The following DNA2 variants were observed in gnomAD, a reference collection of about 807,000 sequenced individuals.
DNA2 encodes DNA replication ATP-dependent helicase/nuclease DNA2.
Under a neutral mutation model 119.1 loss-of-function variants are expected in DNA2, and 101 were observed. That is an observed-to-expected ratio of 0.85 (90% CI 0.72 to 1.00). The LOEUF is 1.00. Among genes scored for constraint, DNA2 ranks in the 50% least tolerant of loss-of-function variants. The pLI, the probability that DNA2 is intolerant of heterozygous loss-of-function variation, is 0.00. For synonymous variants in DNA2, 366 were observed against 424.4 expected (o/e 0.86, Z 1.69); for missense variants, 1,121 against 1,255.5 (o/e 0.89, Z 1.62).
chr10:68,418,488 A>G (rs1006386845), intron 19 of DNA2, among the ~76,000 whole-genome samples: 2 of 151,814 alleles, frequency 1.3e-5, no homozygotes, highest in Non-Finnish European at 2.9e-5. Flanking sequence ...TAAAAAAAAA[A>G]AAAACCAGAA....
upstream of DNA2, chr10:68,472,049 C>T: frequency 6.2e-7 from 1 of 1,601,252 alleles, no homozygotes; most frequent in Non-Finnish European, 8.5e-7. Context: ...CGTGGGGCCC[C>T]TCACCTGAGC....
In DNA2 at chr10:68,432,382, A is replaced by G. The variant is rs1344764783; in HGVS notation, c.1763+12T>C. On this transcript the variant is annotated intron_variant, in intron 11 of 20. Transcript: ENST00000358410. The stretch of plus-strand genomic sequence containing the variant: ...AGTGGAGTGAAATTCAAATTTGCTC[A>G]TTGTTACAAACCTGACAAACGTGTT... 1.9e-6 allele frequency: 3 copies of G among 1,576,260 alleles called. No homozygotes were observed. The African/African-American group carries it at 4.1e-5, about 21-fold the overall frequency.
chr10:68,428,093 C>A (rs1008295118), intron 14 of DNA2, among the ~76,000 whole-genome samples: 1 of 151,188 alleles, frequency 6.6e-6, no homozygotes, highest in Non-Finnish European at 1.5e-5. Context: ...TTTAGGAGGC[C>A]GAGACAGGCA....
At chr10:68,416,060 C>T (rs1260644494) in intron 20 of DNA2, among the ~76,000 whole-genome samples, 1 of 152,104 alleles carries the variant, frequency 6.6e-6, no homozygotes, top group Non-Finnish European at 1.5e-5. Context: ...TACCTGTGGT[C>T]CCAGATACTC....
chr10:68,424,466 T>C (rs1042439772), intron 14 of DNA2: 7 of 560,752 alleles, frequency 1.2e-5, no homozygotes, highest in Non-Finnish European at 2.3e-5. Flanking sequence ...ATCATGCCAC[T>C]GAACTCCAGC....
rs910354727 is a variant in DNA2, at chr10:68,470,102, G to C, written c.136C>G (p.Arg46Gly). 1.2e-6 allele frequency: 2 copies of C among 1,613,286 alleles called. No homozygotes were observed. Among genetic ancestry groups the C allele is most frequent in the South Asian group, 1.1e-5 (1 of 90,936 alleles). ...RTVLSTGMDN[R>G]YLVLAVNTVQ... Reference sequence around the variant, plus strand: ...GTATTGACTGCCAACACCAGGTACCGGTTATCCATTCCTGTGCTCAGAACT... The same window carrying C: ...GTATTGACTGCCAACACCAGGTACCCGTTATCCATTCCTGTGCTCAGAACT... Residue 46 changes from arginine to glycine, a missense_variant, in exon 2 of 21, where the codon CGG (arginine) becomes GGG (glycine). Arg to Gly is a moderately radical substitution (Grantham distance 125). Transcript: ENST00000358410.
Position 68,464,829 on chromosome 10 carries a change from CAAAAAAAAAAAAA to C in DNA2, c.587+825_587+837del, listed in dbSNP as rs71009067. 8.5e-3 allele frequency among the ~76,000 whole-genome samples: 345 copies of C among 40,690 alleles called. 2 individuals carry two copies. Among genetic ancestry groups the C allele is most frequent in the Non-Finnish European group, 0.01 (239 of 23,714 alleles). 26.7% of individuals were successfully genotyped at this position (40,690 alleles called of 152,430 possible). On this transcript the variant is annotated intron_variant, in intron 4 of 20. Transcript: ENST00000358410. ...GGACAACAAGAGCGAAACTCCACCT[CAAAAAAAAAAAAA>C]AAAAAAAAAAAAAAAACTGGTAAGG...
At chr10:68,435,712 C>T (rs888800656) in intron 10 of DNA2, among the ~76,000 whole-genome samples, 1 of 152,016 alleles carries the variant, frequency 6.6e-6, no homozygotes, top group African/African-American at 2.4e-5. Flanking sequence ...ACTCGGCCTC[C>T]CAAAATGCTG....
intron 2 of DNA2, among the ~76,000 whole-genome samples, chr10:68,468,741 T>C (rs2052353535): frequency 6.6e-6 from 1 of 152,090 alleles, no homozygotes; most frequent in Non-Finnish European, 1.5e-5. Flanking sequence ...GTAGCAAGAA[T>C]AAAATCAAAC....
Position 68,432,374 on chromosome 10 carries a change from A to C in DNA2, c.1763+20T>G, listed in dbSNP as rs182122089. On this transcript the variant is annotated intron_variant, in intron 11 of 20. Coordinates refer to ENST00000358410, the MANE Select transcript of DNA2 (RefSeq NM_001080449.3). ...CTTAGAAAAGTGGAGTGAAATTCAA[A>C]TTTGCTCATTGTTACAAACCTGACA... The C allele has an allele frequency of 6.6e-5, 104 of 1,569,066 alleles. No individual in the cohort carries two copies. In the East Asian group the frequency reaches 1.6e-3, roughly 24 times the overall value.
intron 5 of DNA2, among the ~76,000 whole-genome samples, chr10:68,451,930 G>GA (rs1036273045): frequency 3.4e-4 from 48 of 142,814 alleles, no homozygotes; most frequent in African/African-American, 8.0e-4. Flanking sequence ...TATTTTCTAA[G>GA]AAAAAAAAAT....
intron 7 of DNA2, among the ~76,000 whole-genome samples, chr10:68,445,721 A>G (rs892293210): frequency 2.0e-5 from 3 of 152,190 alleles, no homozygotes; most frequent in African/African-American, 7.2e-5. Context: ...ACAGCTATCT[A>G]GAATATCTTT....
chr10:68,418,910 T>C, intron 19 of DNA2, 124 bp downstream of exon 19: 1 of 721,596 alleles, frequency 1.4e-6, no homozygotes. Context: ...TGACCTCAGG[T>C]GATCCACCCG....
Position 68,424,511 on chromosome 10 carries a change from A to C in DNA2, c.2209-1621T>G, listed in dbSNP as rs902205928. On this transcript the variant is annotated intron_variant, in intron 14 of 20. Transcript: ENST00000358410. ...AAAGTGAGTCACTGTCTCAAAAAAAAAAAAAAAAACAAAACAGGCCTGAGG... is the reference window on the plus strand; with the variant it reads ...AAAGTGAGTCACTGTCTCAAAAAAACAAAAAAAAACAAAACAGGCCTGAGG... 2.1e-5 allele frequency: 14 copies of C among 654,424 alleles called. 1 individual carries two copies. The highest frequency in any genetic ancestry group is 1.3e-4 in the African/African-American group (7 of 54,512). 40.5% of individuals were successfully genotyped at this position (654,424 alleles called of 1,614,324 possible). A position where few individuals can be genotyped will look rare whatever the true frequency, so the allele number is the denominator to read the frequency against.
At chr10:68,439,629 G>A (rs2051939881) in intron 9 of DNA2, among the ~76,000 whole-genome samples, 2 of 150,384 alleles carry the variant, frequency 1.3e-5, no homozygotes, top group African/African-American at 2.4e-5. Context: ...TCTGAGGTTG[G>A]GAGTTCAAGA....
In DNA2 at chr10:68,467,388, C is replaced by T. The variant is rs147919022; in HGVS notation, c.441+735G>A. On this transcript the variant is annotated intron_variant, in intron 3 of 20. Coordinates refer to ENST00000358410, the MANE Select transcript of DNA2 (RefSeq NM_001080449.3). ...CCTCTCAAAGTGCTGGGATTACAGG[C>T]GTAAGCCACTGCGCCCAGCCCCAAA... Among the ~76,000 whole-genome samples, 1,253 of 151,770 alleles carry T rather than the reference C, an allele frequency of 8.3e-3. 20 individuals carry two copies. Among genetic ancestry groups the T allele is most frequent in the African/African-American group, 0.028 (1,167 of 41,380 alleles).
chr10:68,471,260 G>A (rs909085349), intron 1 of DNA2, among the ~76,000 whole-genome samples: 4 of 152,176 alleles, frequency 2.6e-5, no homozygotes, highest in African/African-American at 9.6e-5. Context: ...AATTTCGCAA[G>A]ATTGGCTATG....
rs183120922 is a variant in DNA2 at position 68,427,120 on chromosome 10, G to A, written c.2208+3316C>T. On this transcript the variant is annotated intron_variant, in intron 14 of 20. Transcript: ENST00000358410. ...GTGGTGGCTCAAGCCTGTAATCCCA[G>A]CACTTTGGGAGGCTGAGGCAGGTGG... 3.6e-3 allele frequency among the ~76,000 whole-genome samples: 550 copies of A among 152,148 alleles called. 5 individuals are homozygous for A. The highest frequency in any genetic ancestry group is 0.02 in the Middle Eastern group (6 of 294).
At chr10:68,445,846 GC>G (rs776757316) in intron 7 of DNA2, among the ~76,000 whole-genome samples, 5 of 151,930 alleles carry the variant, frequency 3.3e-5, no homozygotes, top group Non-Finnish European at 5.9e-5. Flanking sequence ...ACCACAATTG[GC>G]CAGGTACAGT....
Sources: allele counts gnomAD v4.1 joint callset (sites outside exome capture counted in the v4.1 genomes callset), GRCh38; gene constraint gnomAD v4.1.1; transcripts MANE v1.5; gene names NCBI Gene and HGNC (gene_info 2026-07-23, HGNC 2026-07-21).